Variants in NPR2 observed in about 807,000 individuals in gnomAD.
NPR2 encodes the protein atrial natriuretic peptide receptor 2.
Under a neutral mutation model 120.7 loss-of-function variants are expected in NPR2, and 49 were observed. The observed-to-expected ratio is 0.41, with a 90% CI of 0.32 to 0.52. The LOEUF is 0.52. Among genes scored for constraint, NPR2 ranks in the 20% least tolerant of loss-of-function variants. The pLI, the probability that NPR2 is intolerant of heterozygous loss-of-function variation, is 0.36. For synonymous variants in NPR2, 484 were observed against 519.8 expected, an observed-to-expected ratio of 0.93 and a Z score of 0.94; for missense variants, 931 against 1,362.9, an observed-to-expected ratio of 0.68 and a Z score of 4.99.
At position 35,805,792 on chromosome 9, in the gene NPR2, AT is replaced by A; in HGVS notation, c.2048-35del. ...GCCCAGGTGGGCTTGGGGGTGCCCC[AT>A]TTCGGGGGACCTGGCCAGCCGGTTT... On this transcript the variant is annotated intron_variant, in intron 13 of 21. Transcript: ENST00000342694. The surrounding 1 kb of genome is among the most constrained non-coding windows in gnomAD (Gnocchi z 4.9). 5 of 1,612,648 alleles carry A rather than the reference AT, an allele frequency of 3.1e-6. No individual in the cohort carries two copies. Among genetic ancestry groups the A allele is most frequent in the Non-Finnish European group, 4.2e-6 (5 of 1,179,134 alleles).
chr9:35,793,819 C>A, intron 1 of NPR2, 79 bp from the exon 2 acceptor site: 2 of 1,387,650 alleles, frequency 1.4e-6, no homozygotes, highest in Admixed American at 1.7e-5. Flanking sequence ...GAGGGACATC[C>A]CAGTGATTCA....
chr9:35,807,499 A>G, intron 18 of NPR2, 101 bp downstream of exon 18: 1 of 946,646 alleles, frequency 1.1e-6, no homozygotes, highest in Non-Finnish European at 1.7e-6. Context: ...CCCCATGATC[A>G]GTTTTCCCTC....
rs909876719 is a variant in NPR2, at chr9:35,802,869, G to T, written c.1887+66G>T. ...TCACTTCCACTGTTCTTTGATTGTG[G>T]TTTTTCTCCTTCTAGTCCTCTGAAG... On this transcript the variant is annotated intron_variant, in intron 12 of 21. Transcript: ENST00000342694. The surrounding 1 kb of genome is among the most constrained non-coding windows in gnomAD (Gnocchi z 4.2). The T allele has an allele frequency of 2.1e-5, 23 of 1,117,776 alleles. No homozygotes were observed. The Admixed American group carries it at 3.9e-4, about 19-fold the overall frequency. The allele number at this position is 1,117,776 out of a possible 1,614,324, so 69.2% of individuals were successfully genotyped here.
Position 35,809,302 on chromosome 9 carries a change from G to T in NPR2, c.3078+55G>T. 6.2e-7 allele frequency: 1 copy of T among 1,609,492 alleles called. No homozygotes were observed. Among genetic ancestry groups the T allele is most frequent in the Non-Finnish European group, 8.5e-7 (1 of 1,176,238 alleles). ...GGAAAGGGAGGGTGAAAGTGATTAT[G>T]GGAATCATAGGGAAAGAGAGGGAGA... On this transcript the variant is annotated intron_variant, in intron 21 of 21. Coordinates refer to ENST00000342694, the MANE Select transcript of NPR2 (RefSeq NM_003995.4). The surrounding 1 kb of genome is among the most constrained non-coding windows in gnomAD (Gnocchi z 4.1).
chr9:35,799,095 G>A (rs1003907128), intron 2 of NPR2, among the ~76,000 whole-genome samples: 3 of 152,208 alleles, frequency 2.0e-5, no homozygotes, highest in African/African-American at 7.2e-5. Flanking sequence ...TTCACTGGGC[G>A]GAGACACTGT....
At position 35,809,109 on chromosome 9, in the gene NPR2, T is replaced by G. The variant is rs1270554458; in HGVS notation, c.2987-47T>G. 3.3e-6 allele frequency: 5 copies of G among 1,534,272 alleles called. No individual in the cohort carries two copies. The highest frequency in any genetic ancestry group is 4.5e-6 in the Non-Finnish European group (5 of 1,108,010). ...GTATCACCAATTATTTGATTGCCTT[T>G]TCTTTGATTCCTCATTCCACCATCC... On this transcript the variant is annotated intron_variant, in intron 20 of 21. Transcript: ENST00000342694. The surrounding 1 kb of genome is among the most constrained non-coding windows in gnomAD (Gnocchi z 4.1).
At chr9:35,794,214 C>G (rs1159381510) in intron 2 of NPR2, 111 bp downstream of exon 2, 1 of 1,022,442 alleles carries the variant, frequency 9.8e-7, no homozygotes, top group African/African-American at 1.6e-5. Context: ...TTGTGAGCCA[C>G]AGGAGTAAAA....
rs778733565 is a variant in NPR2 at position 35,806,358 on chromosome 9, T to TTA, written c.2373-33_2373-32dup. 6.2e-7 allele frequency: 1 copy of TTA among 1,612,860 alleles called. No homozygotes were observed. The highest frequency in any genetic ancestry group is 1.3e-5 in the African/African-American group (1 of 74,858). Reference sequence around the variant, plus strand: ...GGAAGTCCTGGGAATCTTCAGAATCTTAGAGCAAGTGCCTTATCCTGGCCT... The same window carrying TTA: ...GGAAGTCCTGGGAATCTTCAGAATCTTATAGAGCAAGTGCCTTATCCTGGCCT... On this transcript the variant is annotated intron_variant, in intron 15 of 21. Coordinates refer to ENST00000342694, the MANE Select transcript of NPR2 (RefSeq NM_003995.4). This position sits in a 1 kb window ranked among gnomAD's most constrained non-coding sequence, Gnocchi z 4.6.
chr9:35,807,271 A>C (rs1828448605), intron 17 of NPR2, 59 bp from the exon 18 acceptor site: 1 of 1,519,300 alleles, frequency 6.6e-7, no homozygotes, highest in African/African-American at 1.4e-5. Context: ...CTTGTGGGTT[A>C]AGAATTCTTA....
chr9:35,801,595 G>A, intron 7 of NPR2, 48 bp from the exon 8 acceptor site: 1 of 1,612,724 alleles, frequency 6.2e-7, no homozygotes, highest in Non-Finnish European at 8.5e-7. Flanking sequence ...TGGCTTGGGG[G>A]TGGCAGGATT....
In NPR2 at chr9:35,799,709, G is replaced by A. The variant is rs779933560; in HGVS notation, c.965G>A (p.Gly322Asp). 3 of 1,614,026 alleles carry A rather than the reference G, an allele frequency of 1.9e-6. No individual in the cohort carries two copies. Among genetic ancestry groups the A allele is most frequent in the Non-Finnish European group, 2.5e-6 (3 of 1,179,946 alleles). Residue 322 changes from glycine (G) to aspartate (D), a missense_variant, in exon 3 of 22, where the codon GGT (glycine) becomes GAT (aspartate). Coordinates refer to ENST00000342694, the MANE Select transcript of NPR2 (RefSeq NM_003995.4). ...CTGATAAGAGCCCGGGAAGACTTTG[G>A]TGTGGAGCTGGGCCCTTCCCTGGTA... ...RLLIRAREDF[G>D]VELGPSLMNL...
intron 2 of NPR2, among the ~76,000 whole-genome samples, chr9:35,797,238 G>C (rs1393942073): frequency 6.6e-6 from 1 of 152,154 alleles, no homozygotes; most frequent in Non-Finnish European, 1.5e-5. Flanking sequence ...GAGCTGGCAA[G>C]TAATGTAAAC....
chr9:35,803,644 C>T lies in NPR2; in HGVS notation c.1887+841C>T, dbSNP rs988349627. ...CTAGGTTTTAGCTATGTTCAAATGA[C>T]TCAGAGGCCCATGGATTTGTGGAGC... On this transcript the variant is annotated intron_variant, in intron 12 of 21. Transcript: ENST00000342694. 6.6e-5 allele frequency among the ~76,000 whole-genome samples: 10 copies of T among 152,322 alleles called. No individual in the cohort carries two copies. In the East Asian group the frequency reaches 1.5e-3, roughly 23 times the overall value.
rs1361015454 is a variant in NPR2 at position 35,800,030 on chromosome 9, C to T, written c.996C>T (p.Leu332=). 5.6e-6 allele frequency: 9 copies of T among 1,613,944 alleles called. No individual in the cohort carries two copies. The highest frequency in any genetic ancestry group is 1.1e-5 in the South Asian group (1 of 91,072). ...GVELGPSLMN[L]IAGCFYDGIL... ...GAAGTTGCCACCCCCAGATGAACCT[C>T]ATCGCTGGCTGCTTCTATGATGGGA... Residue 332 remains leucine (L), a synonymous_variant, in exon 4 of 22, where the codon CTC becomes CTT. Transcript: ENST00000342694. This position sits in a 1 kb window ranked among gnomAD's most constrained non-coding sequence, Gnocchi z 4.7.
At position 35,793,884 on chromosome 9, in the gene NPR2, G is replaced by GT. The variant is rs1367263299; in HGVS notation, c.668-13dup. On this transcript the variant is annotated splice_polypyrimidine_tract_variant and intron_variant, in intron 1 of 21. Transcript: ENST00000342694. ...CCTTCTCAGGGTGCTCCTCTGTCAT[G>GT]TACCTGCTCCCAGTTGTGTATATCT... 6.2e-7 allele frequency: 1 copy of GT among 1,613,966 alleles called. No homozygotes were observed. Among genetic ancestry groups the GT allele is most frequent in the Admixed American group, 1.7e-5 (1 of 60,010 alleles).
Position 35,803,329 on chromosome 9 carries a change from C to T in NPR2, c.1887+526C>T, listed in dbSNP as rs62543789. 4.9e-3 allele frequency among the ~76,000 whole-genome samples: 407 copies of T among 83,698 alleles called. 71 individuals are homozygous for T. The highest frequency in any genetic ancestry group is 0.016 in the Middle Eastern group (3 of 192). 54.9% of individuals were successfully genotyped at this position (83,698 alleles called of 152,430 possible). On this transcript the variant is annotated intron_variant, in intron 12 of 21. Coordinates refer to ENST00000342694, the MANE Select transcript of NPR2 (RefSeq NM_003995.4). ...CCGTTTTAGCCGGGATGGTCTCGAT[C>T]TCTTGACCTCGTGATCCGCCCGCCT...
rs1828122395 is a variant in NPR2 at position 35,800,802 on chromosome 9, C to T, written c.1312C>T (p.Pro438Ser). Residue 438 changes from proline to serine, a missense_variant, in exon 6 of 22, where the codon CCC becomes TCC. Physicochemically the swap from Pro to Ser is moderately conservative, Grantham distance 74. Around this residue, in one of 3 missense-constraint regions of NPR2, gnomAD observed 681 missense variants for 974.3 expected, o/e 0.70. Transcript: ENST00000342694. This position sits in a 1 kb window ranked among gnomAD's most constrained non-coding sequence, Gnocchi z 4.7. ...VKGAPPSDNP[P>S]CAFDLDDPSC... ...GGGGGCTCCTCCCTCGGACAATCCCCCCTGTGCCTTTGACTTGGACGACCC... is the reference window on the plus strand; with the variant it reads ...GGGGGCTCCTCCCTCGGACAATCCCTCCTGTGCCTTTGACTTGGACGACCC... 6.2e-7 allele frequency: 1 copy of T among 1,614,028 alleles called. No individual in the cohort carries two copies.
intron 1 of NPR2, 93 bp from the exon 2 acceptor site, chr9:35,793,805 T>C (rs989729032): frequency 2.3e-6 from 3 of 1,291,364 alleles, no homozygotes; most frequent in Non-Finnish European, 3.4e-6. Context: ...TCTTTCTTGC[T>C]GAAGAGGGAC....
chr9:35,802,855 G>C lies in NPR2; in HGVS notation c.1887+52G>C, dbSNP rs186177284. 49 of 1,221,660 alleles carry C rather than the reference G, an allele frequency of 4.0e-5. No individual in the cohort carries two copies. In the East Asian group the frequency reaches 9.0e-4, roughly 23 times the overall value. 75.7% of individuals were successfully genotyped at this position (1,221,660 alleles called of 1,614,324 possible). A position where few individuals can be genotyped will look rare whatever the true frequency, so the allele number is the denominator to read the frequency against. Reference sequence around the variant, plus strand: ...TCATCCACTTTAAATCACTTCCACTGTTCTTTGATTGTGGTTTTTCTCCTT... The same window carrying C: ...TCATCCACTTTAAATCACTTCCACTCTTCTTTGATTGTGGTTTTTCTCCTT... On this transcript the variant is annotated intron_variant, in intron 12 of 21. Coordinates refer to ENST00000342694, the MANE Select transcript of NPR2 (RefSeq NM_003995.4). The surrounding 1 kb of genome is among the most constrained non-coding windows in gnomAD (Gnocchi z 4.2).
Sources: allele counts gnomAD v4.1 joint callset (sites outside exome capture counted in the v4.1 genomes callset), GRCh38; gene constraint gnomAD v4.1.1; regional missense constraint gnomAD v4.1.1; non-coding constraint Gnocchi (gnomAD v3.1); transcripts MANE v1.5; gene names NCBI Gene and HGNC (gene_info 2026-07-23, HGNC 2026-07-21).